The following DSCAM variants were observed in gnomAD, a reference collection of about 807,000 sequenced individuals.
DSCAM encodes cell adhesion molecule DSCAM.
In DSCAM, 47 loss-of-function variants were observed where a neutral mutation model predicts 217.7. The observed-to-expected ratio is 0.22, with a 90% CI of 0.17 to 0.28. The LOEUF (loss-of-function observed/expected upper bound fraction) is 0.28. Ranked by LOEUF, DSCAM falls within the 10% of genes least tolerant of loss-of-function variation. The probability of loss-of-function intolerance (pLI) is 1.00; values close to 1 mark genes in which losing one functional copy is unlikely to be tolerated. For missense variants in DSCAM, 2,080 were observed against 2,618.3 expected (o/e 0.79, Z 4.49); for synonymous variants, 1,056 against 1,015.3 (o/e 1.04, Z -0.76).
At chr21:40,642,594 T>C (rs970085666) in intron 3 of DSCAM, among the ~76,000 whole-genome samples, 3 of 152,150 alleles carry the variant, frequency 2.0e-5, no homozygotes, top group African/African-American at 7.2e-5. Flanking sequence ...TTTTTAAAAA[T>C]GATTTTGAGA....
intron 15 of DSCAM, among the ~76,000 whole-genome samples, chr21:40,173,639 G>A (rs544333418): frequency 6.6e-6 from 1 of 152,228 alleles, no homozygotes; most frequent in African/African-American, 2.4e-5. Flanking sequence ...CTAGCCCTGT[G>A]TTTGCTTCAC....
At chr21:40,062,947 A>T (rs1305875921) in intron 27 of DSCAM, 48 bp from the exon 28 acceptor site, 2 of 1,528,628 alleles carry the variant, frequency 1.3e-6, no homozygotes, top group African/African-American at 2.8e-5. Flanking sequence ...ACTCATTAAC[A>T]TTCACTTAGG....
At chr21:40,470,819 G>C (rs573267613) in intron 3 of DSCAM, among the ~76,000 whole-genome samples, 1 of 152,302 alleles carries the variant, frequency 6.6e-6, no homozygotes, top group African/African-American at 2.4e-5. Flanking sequence ...CTCCCAAAGT[G>C]ATGGGATTAC....
intron 3 of DSCAM, among the ~76,000 whole-genome samples, chr21:40,609,812 G>T (rs1251128908): frequency 1.3e-5 from 2 of 152,216 alleles, no homozygotes; most frequent in Non-Finnish European, 2.9e-5. Flanking sequence ...TTTGACAGAG[G>T]ACAGGCAGGC....
intron 1 of DSCAM, among the ~76,000 whole-genome samples, chr21:40,816,905 T>C (rs1601302834): frequency 6.6e-6 from 1 of 151,840 alleles, no homozygotes; most frequent in Non-Finnish European, 1.5e-5. Flanking sequence ...AAAAAAAAAA[T>C]TCTACACATG....
chr21:40,338,552 TTTC>T (rs1488232849), intron 7 of DSCAM, among the ~76,000 whole-genome samples, 176 bp from the exon 8 acceptor site: 1 of 152,248 alleles, frequency 6.6e-6, no homozygotes, highest in Non-Finnish European at 1.5e-5. Flanking sequence ...TTTCTTTCCT[TTTC>T]TTAAATTCAA....
chr21:40,356,246 C>G (rs953525833), intron 4 of DSCAM, among the ~76,000 whole-genome samples: 1 of 152,112 alleles, frequency 6.6e-6, no homozygotes, highest in African/African-American at 2.4e-5. Context: ...ACAGTGACTA[C>G]AGTTAATAAC....
At chr21:40,480,257 C>A (rs2075970874) in intron 3 of DSCAM, among the ~76,000 whole-genome samples, 1 of 152,172 alleles carries the variant, frequency 6.6e-6, no homozygotes, top group Non-Finnish European at 1.5e-5. Flanking sequence ...AGGAAATAGT[C>A]TCTTTCTAGA....
At chr21:40,137,953 A>C (rs925172311) in intron 18 of DSCAM, among the ~76,000 whole-genome samples, 2 of 152,204 alleles carry the variant, frequency 1.3e-5, no homozygotes, top group Non-Finnish European at 2.9e-5. Context: ...AAAAATTCAG[A>C]GGAAAATGGT....
intron 1 of DSCAM, among the ~76,000 whole-genome samples, chr21:40,767,591 A>T (rs2091404711): frequency 6.6e-6 from 1 of 152,224 alleles, no homozygotes; most frequent in Admixed American, 6.5e-5. Flanking sequence ...ATGTTTGAGA[A>T]TGAACCTTCC....
chr21:40,184,554 A>G (rs1215661351), intron 14 of DSCAM, among the ~76,000 whole-genome samples: 2 of 152,192 alleles, frequency 1.3e-5, no homozygotes, highest in Non-Finnish European at 2.9e-5. Context: ...GATGGAAAAG[A>G]GTATCCCTCA....
intron 1 of DSCAM, among the ~76,000 whole-genome samples, chr21:40,775,287 G>C (rs969516964): frequency 2.6e-5 from 4 of 152,260 alleles, no homozygotes; most frequent in African/African-American, 7.2e-5. Flanking sequence ...AGTTACCCAC[G>C]TTGACCAGTA....
chr21:40,580,312 C>A (rs1298493219), intron 3 of DSCAM, among the ~76,000 whole-genome samples: 2 of 151,998 alleles, frequency 1.3e-5, no homozygotes, highest in African/African-American at 4.8e-5. Context: ...GTGGGTGGAT[C>A]ACCTGAGGTC....
intron 1 of DSCAM, among the ~76,000 whole-genome samples, chr21:40,789,208 T>C (rs7282345): frequency 0.069 from 10,512 of 151,336 alleles, 375 homozygotes; most frequent in Middle Eastern, 0.11. Context: ...CAGGGAAACA[T>C]TAAGACCTTC....
chr21:40,756,050 CTT>C (rs2091272660), intron 1 of DSCAM, among the ~76,000 whole-genome samples: 1 of 152,202 alleles, frequency 6.6e-6, no homozygotes. Flanking sequence ...CTGCCAAAAA[CTT>C]ATGTTGAAAT....
intron 3 of DSCAM, among the ~76,000 whole-genome samples, chr21:40,675,653 A>C (rs1320386243): frequency 6.6e-6 from 1 of 152,010 alleles, no homozygotes; most frequent in African/African-American, 2.4e-5. Context: ...TTCAGGTCGT[A>C]TATGTTAGTC....
intron 16 of DSCAM, among the ~76,000 whole-genome samples, chr21:40,150,116 G>A (rs544973689): frequency 2.6e-5 from 4 of 152,224 alleles, no homozygotes; most frequent in African/African-American, 7.2e-5. Context: ...ACCCCACACA[G>A]TATAAGTATG....
rs146900864 is a variant in DSCAM at position 40,067,256 on chromosome 21, T to C, written c.4889-4357A>G. The stretch of plus-strand genomic sequence containing the variant: ...GTTTCTACTGAATGCATATCATTTT[T>C]GCACCATTGCAAAGTCAAAAACTCC... On this transcript the variant is annotated intron_variant, in intron 27 of 32. Transcript: ENST00000400454. 1.6e-3 allele frequency among the ~76,000 whole-genome samples: 239 copies of C among 152,348 alleles called. 1 individual carries two copies. Among genetic ancestry groups the C allele is most frequent in the African/African-American group, 5.5e-3 (228 of 41,588 alleles).
intron 3 of DSCAM, among the ~76,000 whole-genome samples, chr21:40,552,326 A>G (rs1261321808): frequency 1.3e-5 from 2 of 151,516 alleles, no homozygotes; most frequent in Non-Finnish European, 2.9e-5. Flanking sequence ...AAAAAAAAAG[A>G]GTTCTCTTCC....
Sources: allele counts gnomAD v4.1 joint callset (sites outside exome capture counted in the v4.1 genomes callset), GRCh38; gene constraint gnomAD v4.1.1; transcripts MANE v1.5; gene names NCBI Gene and HGNC (gene_info 2026-07-23, HGNC 2026-07-21).